ZMYM2: variants seen among roughly 807,000 people sequenced by gnomAD.
ZMYM2 encodes the protein zinc finger MYM-type protein 2.
In ZMYM2, 56 loss-of-function variants were observed where a neutral mutation model predicts 162.8. That is an observed-to-expected ratio of 0.34 (90% confidence interval 0.28 to 0.43). The LOEUF is 0.43. Among genes scored for constraint, ZMYM2 ranks in the 20% least tolerant of loss-of-function variants. ZMYM2 has a pLI of 1.00. For missense variants in ZMYM2, 1,275 were observed against 1,621.8 expected (o/e 0.79, Z 3.67); for synonymous variants, 510 against 541.6 (o/e 0.94, Z 0.81).
intron 2 of ZMYM2, among the ~76,000 whole-genome samples, chr13:19,980,752 C>CAAAAAAAAAAAAA (rs914320015): frequency 3.2e-5 from 1 of 31,224 alleles, no homozygotes; most frequent in Non-Finnish European, 7.7e-5. Context: ...GACTCCATCT[C>CAAAAAAAAAAAAA]AAAAAAAAAA....
chr13:20,021,952 TTG>T (rs1315904667), intron 7 of ZMYM2, among the ~76,000 whole-genome samples: 15 of 152,188 alleles, frequency 9.9e-5, no homozygotes, highest in Non-Finnish European at 1.5e-4. Flanking sequence ...CTTGAAAGAC[TTG>T]TGTTTCCTCA....
At chr13:20,043,672 G>A (rs1436719840) in intron 12 of ZMYM2, among the ~76,000 whole-genome samples, 3 of 152,108 alleles carry the variant, frequency 2.0e-5, no homozygotes, top group African/African-American at 7.2e-5. Flanking sequence ...TGACTGCTAA[G>A]GCTCCAACTG....
chr13:20,067,343 A>G lies in ZMYM2; in HGVS notation c.3406A>G (p.Asn1136Asp). ...TGAGATCCGACGGCCAAATGGAGAG[A>G]ATTATGCACCTGACAGCATCTATTA... ...VNEIRRPNGE[N>D]YAPDSIYYLC... Residue 1136 changes from asparagine (N) to aspartate (D), a missense_variant, in exon 21 of 25, where the codon AAT (asparagine) becomes GAT (aspartate). Asn to Asp is a conservative substitution (Grantham distance 23, BLOSUM62 1). Coordinates refer to ENST00000610343, the MANE Select transcript of ZMYM2 (RefSeq NM_197968.4). 1.2e-6 allele frequency: 2 copies of G among 1,611,286 alleles called. No individual in the cohort carries two copies. The highest frequency in any genetic ancestry group is 1.1e-5 in the South Asian group (1 of 90,250).
At chr13:19,901,466 GTGTGTATA>G in the ZMYM2 span, among the ~76,000 whole-genome samples, 1 of 152,072 alleles carries the variant, frequency 6.6e-6, no homozygotes, top group African/African-American at 2.4e-5. Flanking sequence ...AAGCACTGAT[GTGTGTATA>G]TGGATGACCT....
chr13:20,023,654 C>T (rs1952312203), intron 7 of ZMYM2, among the ~76,000 whole-genome samples: 1 of 151,932 alleles, frequency 6.6e-6, no homozygotes, highest in Admixed American at 6.6e-5. Context: ...TTTCCCCATG[C>T]CCAAAAAGGG....
chr13:20,019,779 A>G, intron 7 of ZMYM2, 161 bp downstream of exon 7: 1 of 624,886 alleles, frequency 1.6e-6, no homozygotes, highest in Non-Finnish European at 2.8e-6. Context: ...TGAGACATAG[A>G]TTTCTAATTT....
chr13:19,885,512 G>C, the ZMYM2 span, among the ~76,000 whole-genome samples: 1 of 152,054 alleles, frequency 6.6e-6, no homozygotes, highest in Non-Finnish European at 1.5e-5. Flanking sequence ...CAGAAAGTGG[G>C]CTTTGAGTAC....
intron 9 of ZMYM2, among the ~76,000 whole-genome samples, chr13:20,028,787 T>A (rs1221627649): frequency 6.6e-6 from 1 of 152,126 alleles, no homozygotes; most frequent in Non-Finnish European, 1.5e-5. Flanking sequence ...TGACTGTACA[T>A]GTCCATACAC....
intron 6 of ZMYM2, among the ~76,000 whole-genome samples, chr13:20,013,021 A>G (rs993670711): frequency 2.6e-5 from 4 of 152,250 alleles, no homozygotes; most frequent in Admixed American, 2.0e-4. Flanking sequence ...TATAAATTGC[A>G]TTGAATCTGT....
rs776399783 is a variant in ZMYM2, at chr13:20,088,243, A to G, written c.*2229A>G. On this transcript the variant is annotated 3_prime_UTR_variant, in exon 25 of 25. Coordinates refer to ENST00000610343, the MANE Select transcript of ZMYM2 (RefSeq NM_197968.4). ...GAAAAGAAAAACTTATTTTATGAGA[A>G]TTGTTTGTTCTGTGAAACTCACTTC... The G allele has an allele frequency of 1.2e-4, 24 of 208,198 alleles. No homozygotes were observed. Among genetic ancestry groups the G allele is most frequent in the Non-Finnish European group, 1.8e-4 (18 of 102,142 alleles). The allele number at this position is 208,198 out of a possible 1,614,324, so 12.9% of individuals were successfully genotyped here. A position where few individuals can be genotyped will look rare whatever the true frequency, so the allele number is the denominator to read the frequency against.
chr13:20,040,225 T>C (rs999041290), intron 12 of ZMYM2, among the ~76,000 whole-genome samples: 3 of 152,148 alleles, frequency 2.0e-5, no homozygotes. Context: ...CCTGGACTTT[T>C]TTTGGTTGGT....
chr13:20,074,203 TG>T (rs1957308130), intron 21 of ZMYM2, among the ~76,000 whole-genome samples: 1 of 124,000 alleles, frequency 8.1e-6, no homozygotes. Context: ...AATTTGTGTG[TG>T]TGTGTGTGTG....
At chr13:19,909,644 G>C in the ZMYM2 span, among the ~76,000 whole-genome samples, 1 of 151,828 alleles carries the variant, frequency 6.6e-6, no homozygotes, top group Non-Finnish European at 1.5e-5. Flanking sequence ...CTTTTCCCAG[G>C]CTGGTCTGGA....
chr13:20,019,088 A>C (rs1048426867), intron 6 of ZMYM2, among the ~76,000 whole-genome samples: 1 of 12,598 alleles, frequency 7.9e-5, no homozygotes, highest in African/African-American at 1.1e-4. Context: ...CTCAAAAAAA[A>C]AAAAACAACA....
At chr13:19,951,007 ATT>A in the ZMYM2 span, among the ~76,000 whole-genome samples, 1 of 152,116 alleles carries the variant, frequency 6.6e-6, no homozygotes, top group Admixed American at 6.5e-5. Context: ...AAAACGTAAG[ATT>A]TTTTTGTGTG....
the ZMYM2 span, among the ~76,000 whole-genome samples, chr13:19,894,122 C>T: frequency 6.6e-6 from 1 of 151,914 alleles, no homozygotes; most frequent in Non-Finnish European, 1.5e-5. Flanking sequence ...CACACACACA[C>T]TCAGATGCTT....
intron 21 of ZMYM2, among the ~76,000 whole-genome samples, chr13:20,080,491 C>CT (rs377755390): frequency 2.0e-3 from 292 of 145,948 alleles, no homozygotes; most frequent in African/African-American, 5.3e-3. Context: ...ATATCTGTCT[C>CT]TTTTTTTTTT....
At chr13:19,879,668 A>G in the ZMYM2 span, among the ~76,000 whole-genome samples, 1 of 152,138 alleles carries the variant, frequency 6.6e-6, no homozygotes, top group Non-Finnish European at 1.5e-5. Context: ...GGGCTTTTCT[A>G]TTTCTACAAA....
chr13:19,887,460 C>T, the ZMYM2 span, among the ~76,000 whole-genome samples: 5,247 of 150,980 alleles, frequency 0.035, 142 homozygotes, highest in Middle Eastern at 0.079. Flanking sequence ...ACCCAGGAGG[C>T]GGAGGTTGCA....
Sources: allele counts gnomAD v4.1 joint callset (sites outside exome capture counted in the v4.1 genomes callset), GRCh38; gene constraint gnomAD v4.1.1; transcripts MANE v1.5; gene names NCBI Gene and HGNC (gene_info 2026-07-23, HGNC 2026-07-21).